The following PDE1A variants were observed in gnomAD, a reference collection of about 807,000 sequenced individuals.
PDE1A encodes the protein phosphodiesterase 1A.
PDE1A carries 35 observed loss-of-function variants against 61.7 expected under a neutral mutation model. The observed-to-expected ratio is 0.57, with a 90% CI of 0.43 to 0.75. PDE1A has a LOEUF of 0.75. Among genes scored for constraint, PDE1A ranks in the 30% least tolerant of loss-of-function variants. The pLI is 0.00. For missense variants in PDE1A, 597 were observed against 630.6 expected (o/e 0.95, Z 0.57); for synonymous variants, 232 against 213.2 (o/e 1.09, Z -0.77).
chr2:182,503,614 C>G (rs1236188120), intron 2 of PDE1A, among the ~76,000 whole-genome samples: 1 of 152,154 alleles, frequency 6.6e-6, no homozygotes, highest in Admixed American at 6.5e-5. Context: ...AAGGCCAATG[C>G]TTCAGGCCTT....
At chr2:182,605,263 T>C in the PDE1A span, among the ~76,000 whole-genome samples, 2 of 152,088 alleles carry the variant, frequency 1.3e-5, no homozygotes, top group African/African-American at 4.8e-5. Context: ...GGGCTGCTAA[T>C]CAAATATTTC....
chr2:182,418,530 C>T (rs1411413290), intron 1 of PDE1A, among the ~76,000 whole-genome samples: 1 of 152,062 alleles, frequency 6.6e-6, no homozygotes, highest in Non-Finnish European at 1.5e-5. Context: ...CACTTAACAA[C>T]ATGAAATGAA....
chr2:182,562,964 T>C, the PDE1A span, among the ~76,000 whole-genome samples: 3 of 152,318 alleles, frequency 2.0e-5, no homozygotes, highest in Non-Finnish European at 2.9e-5. Flanking sequence ...TTATTAGTCT[T>C]GCTAGTGCTC....
At chr2:182,683,329 G>A in the PDE1A span, among the ~76,000 whole-genome samples, 11 of 151,768 alleles carry the variant, frequency 7.2e-5, no homozygotes, top group East Asian at 5.8e-4. Flanking sequence ...CACCCACCTC[G>A]GCCTCCCAAA....
the PDE1A span, among the ~76,000 whole-genome samples, chr2:182,591,632 G>A: frequency 3.9e-5 from 6 of 152,162 alleles, no homozygotes; most frequent in South Asian, 1.2e-3. Context: ...TTTCCACAAC[G>A]CCCTGGGTAT....
chr2:182,386,204 C>T (rs1369678293), intron 1 of PDE1A, among the ~76,000 whole-genome samples: 2 of 152,282 alleles, frequency 1.3e-5, no homozygotes, highest in African/African-American at 4.8e-5. Flanking sequence ...ACAACCTCCA[C>T]CTCCCAGCCG....
At chr2:182,457,877 G>A (rs1016925453) in intron 2 of PDE1A, among the ~76,000 whole-genome samples, 1 of 151,954 alleles carries the variant, frequency 6.6e-6, no homozygotes, top group African/African-American at 2.4e-5. Context: ...TTAATGAAGG[G>A]ATAAATACTG....
Position 182,403,460 on chromosome 2 carries a change from G to T in PDE1A, c.53+23118C>A, listed in dbSNP as rs78603849. ...TAAAAATACAAAAAATTAGCCGTGC[G>T]TGGTGGCGGGCGCCTGTAGTCCCAG... On this transcript the variant is annotated intron_variant, in intron 1 of 13. Transcript: ENST00000351439. 5.9e-3 allele frequency among the ~76,000 whole-genome samples: 896 copies of T among 152,018 alleles called. 3 individuals are homozygous for T. The highest frequency in any genetic ancestry group is 9.3e-3 in the Non-Finnish European group (633 of 67,976).
downstream of PDE1A, among the ~76,000 whole-genome samples, chr2:182,166,774 C>G (rs1041143026): frequency 1.3e-5 from 2 of 152,152 alleles, no homozygotes; most frequent in African/African-American, 2.4e-5. Flanking sequence ...TGTGTGAAGG[C>G]AAGGTGAGAT....
chr2:182,441,566 C>A (rs1684797162), intron 2 of PDE1A, among the ~76,000 whole-genome samples: 5 of 151,984 alleles, frequency 3.3e-5, no homozygotes, highest in Middle Eastern at 3.4e-3. Context: ...GTGAGAGGAG[C>A]AAGAAACAAC....
the PDE1A span, among the ~76,000 whole-genome samples, chr2:182,657,946 TA>T: frequency 1.5e-5 from 2 of 137,924 alleles, no homozygotes; most frequent in African/African-American, 5.4e-5. Flanking sequence ...TTTGTAGCTA[TA>T]AAATGGGAAT....
chr2:182,642,623 G>A, the PDE1A span, among the ~76,000 whole-genome samples: 2 of 152,064 alleles, frequency 1.3e-5, no homozygotes, highest in Non-Finnish European at 2.9e-5. Flanking sequence ...ATGAAATTGG[G>A]GAAGAGATGG....
At chr2:182,245,126 C>A (rs558164036) in intron 2 of PDE1A, among the ~76,000 whole-genome samples, 1 of 152,282 alleles carries the variant, frequency 6.6e-6, no homozygotes, top group South Asian at 2.1e-4. Context: ...GCATGATTAC[C>A]TAGAGAACTC....
chr2:182,473,906 G>A (rs1042096488), intron 2 of PDE1A, among the ~76,000 whole-genome samples: 4 of 151,926 alleles, frequency 2.6e-5, no homozygotes, highest in Admixed American at 2.0e-4. Context: ...CATTTAGGTT[G>A]ATTCTATGTC....
At chr2:182,584,767 G>A in the PDE1A span, among the ~76,000 whole-genome samples, 1 of 152,158 alleles carries the variant, frequency 6.6e-6, no homozygotes, top group Non-Finnish European at 1.5e-5. Context: ...CAGAAAGCCT[G>A]GCTACACCAG....
intron 6 of PDE1A, among the ~76,000 whole-genome samples, chr2:182,229,146 T>C (rs1284303314): frequency 1.3e-5 from 2 of 152,112 alleles, no homozygotes; most frequent in African/African-American, 4.8e-5. Context: ...GAAGCTGATA[T>C]AGTAGACTTT....
intron 1 of PDE1A, among the ~76,000 whole-genome samples, chr2:182,268,319 A>G (rs1401532013): frequency 6.6e-6 from 1 of 152,078 alleles, no homozygotes; most frequent in East Asian, 1.9e-4. Context: ...TAGATAAATG[A>G]TTATTGGGTA....
the PDE1A span, among the ~76,000 whole-genome samples, chr2:182,645,034 G>GGAGT: frequency 6.9e-6 from 1 of 145,920 alleles, no homozygotes; most frequent in Non-Finnish European, 1.5e-5. Flanking sequence ...TGCCCAGGCT[G>GGAGT]GAGTGCAGTG....
At chr2:182,200,365 G>T (rs1164198210) in intron 10 of PDE1A, among the ~76,000 whole-genome samples, 1 of 152,142 alleles carries the variant, frequency 6.6e-6, no homozygotes, top group Non-Finnish European at 1.5e-5. Context: ...ATCTGGGAAG[G>T]AAGTGAGGCT....
Sources: gnomAD v4.1 joint callset for allele counts (sites outside exome capture counted in the v4.1 genomes callset) on GRCh38, gnomAD v4.1.1 for gene constraint, MANE v1.5 for transcripts, NCBI Gene and HGNC (gene_info 2026-07-23, HGNC 2026-07-21) for gene names.